Variants in IL1RAPL2 observed in about 807,000 individuals in gnomAD.
IL1RAPL2 encodes the protein X-linked interleukin-1 receptor accessory protein-like 2.
A neutral mutation model predicts 44.1 loss-of-function variants in IL1RAPL2; 3 were observed. That is an observed-to-expected ratio of 0.07 (90% confidence interval 0.03 to 0.18). The LOEUF (loss-of-function observed/expected upper bound fraction) is 0.18. IL1RAPL2 is among the 10% of genes least tolerant of loss of function. IL1RAPL2 has a pLI of 1.00. For missense variants in IL1RAPL2, 391 were observed against 496.4 expected, an observed-to-expected ratio of 0.79 and a Z score of 2.02; for synonymous variants, 181 against 178.8, an observed-to-expected ratio of 1.01 and a Z score of -0.10.
rs28461584 is a variant in IL1RAPL2 at position 105,449,323 on chromosome X, G to A, written c.698-34990G>A. Among the ~76,000 whole-genome samples the A allele has an allele frequency of 7.4e-3, 827 of 111,023 alleles. 7 individuals carry two copies. Among genetic ancestry groups the A allele is most frequent in the African/African-American group, 0.025 (755 of 30,500 alleles). On this transcript the variant is annotated intron_variant, in intron 5 of 10. Transcript: ENST00000372582. ...TGTATGGCTGGGTGCGGTGGCTCAC[G>A]CCTGTAATCTCAGCCCTTTGGGAGG...
At chrX:105,328,650 A>G (rs1394113874) in intron 5 of IL1RAPL2, among the ~76,000 whole-genome samples, 1 of 111,846 alleles carries the variant, frequency 8.9e-6, no homozygotes, top group Admixed American at 9.6e-5. Context: ...GACACTAATT[A>G]TGATAGATTT....
intron 2 of IL1RAPL2, among the ~76,000 whole-genome samples, chrX:104,875,505 ATGT>A (rs1390494859): frequency 8.9e-6 from 1 of 111,813 alleles, no homozygotes; most frequent in Non-Finnish European, 1.9e-5. Context: ...TCAGTTGTGT[ATGT>A]TGTTGTTCTA....
At chrX:104,796,051 G>A (rs1196484999) in intron 2 of IL1RAPL2, among the ~76,000 whole-genome samples, 1 of 112,265 alleles carries the variant, frequency 8.9e-6, no homozygotes, top group Non-Finnish European at 1.9e-5. Context: ...GCTAGTCCTT[G>A]TGGCATTTGC....
chrX:105,149,189 CTT>C (rs1439959925), intron 2 of IL1RAPL2, among the ~76,000 whole-genome samples: 1 of 111,821 alleles, frequency 8.9e-6, no homozygotes. Context: ...TCTATGGAAT[CTT>C]TTTAAATGCC....
At chrX:104,756,429 T>C (rs1346448535) in intron 2 of IL1RAPL2, among the ~76,000 whole-genome samples, 1 of 111,393 alleles carries the variant, frequency 9.0e-6, no homozygotes, top group African/African-American at 3.3e-5. Context: ...TCTTGAAGTG[T>C]ATGGAGTCAT....
chrX:105,602,790 T>C (rs1178173452), intron 6 of IL1RAPL2, among the ~76,000 whole-genome samples: 1 of 99,934 alleles, frequency 1.0e-5, no homozygotes, highest in African/African-American at 3.7e-5. Flanking sequence ...ATATTTAAAG[T>C]ACCAAAAGAA....
chrX:105,665,795 C>T (rs1343008838), intron 6 of IL1RAPL2, among the ~76,000 whole-genome samples: 1 of 99,961 alleles, frequency 1.0e-5, no homozygotes, highest in Non-Finnish European at 2.0e-5. Flanking sequence ...TGGAGTCTCG[C>T]TCTGTCGCCC....
chrX:105,233,892 G>A lies in IL1RAPL2; in HGVS notation c.431G>A (p.Ser144Asn). Reference protein sequence around the residue: ...AENESGLCYNSRIRYLEKSEV... With the variant: ...AENESGLCYNNRIRYLEKSEV... ...AATGAATCAGGCCTGTGCTACAACA[G>A]CAGGATCCGCTATTTAGAAAAATCT... Residue 144 changes from serine to asparagine, a missense_variant, in exon 4 of 11, where the codon AGC (serine) becomes AAC (asparagine). Around this residue, in one of 2 missense-constraint regions of IL1RAPL2, gnomAD observed 159 missense variants for 251.7 expected, o/e 0.63. Transcript: ENST00000372582. 8.3e-7 allele frequency: 1 copy of A among 1,209,144 alleles called. No homozygotes were observed. The highest frequency in any genetic ancestry group is 1.1e-6 in the Non-Finnish European group (1 of 893,087).
intron 5 of IL1RAPL2, among the ~76,000 whole-genome samples, chrX:105,341,328 ATTTTC>A (rs900859437): frequency 6.8e-5 from 7 of 102,705 alleles, no homozygotes; most frequent in Non-Finnish European, 9.5e-5. Context: ...TATTGTTTGT[ATTTTC>A]TTTTCTTTTC....
chrX:105,074,429 G>C (rs1485439167), intron 2 of IL1RAPL2, among the ~76,000 whole-genome samples: 3 of 111,701 alleles, frequency 2.7e-5, no homozygotes, highest in Non-Finnish European at 3.8e-5. Context: ...GTACCATGCT[G>C]TTTTGGTTAG....
chrX:104,721,442 C>A (rs1259635323), intron 2 of IL1RAPL2, among the ~76,000 whole-genome samples: 1 of 110,591 alleles, frequency 9.0e-6, no homozygotes, highest in Non-Finnish European at 1.9e-5. Flanking sequence ...GAAAACCAGA[C>A]ACCACATGTT....
intron 6 of IL1RAPL2, among the ~76,000 whole-genome samples, chrX:105,596,085 G>A (rs1327106918): frequency 1.8e-5 from 2 of 110,183 alleles, no homozygotes; most frequent in East Asian, 2.9e-4. Flanking sequence ...TAAAAAACTC[G>A]GTTTTCTTGA....
intron 2 of IL1RAPL2, among the ~76,000 whole-genome samples, chrX:105,026,302 T>C (rs1403451681): frequency 9.0e-6 from 1 of 111,011 alleles, no homozygotes; most frequent in Non-Finnish European, 1.9e-5. Context: ...TTATATTTAC[T>C]GGTTGAATCC....
rs143143055 is a variant in IL1RAPL2, at chrX:104,844,791, A to T, written c.82+185796A>T. Among the ~76,000 whole-genome samples the T allele has an allele frequency of 1.6e-3, 184 of 111,953 alleles. 1 individual carries two copies. The East Asian group carries it at 0.04, about 24-fold the overall frequency. On this transcript the variant is annotated intron_variant, in intron 2 of 10. Coordinates refer to ENST00000372582, the MANE Select transcript of IL1RAPL2 (RefSeq NM_017416.2). ...ATGTCTCAGAGAGCTAGTGACAAGT[A>T]TTCCACATAGCATATTTTGTGAAAT...
chrX:105,571,192 G>T (rs2147810558), intron 6 of IL1RAPL2, among the ~76,000 whole-genome samples: 1 of 111,101 alleles, frequency 9.0e-6, no homozygotes, highest in South Asian at 3.8e-4. Context: ...AAGAAGAAGA[G>T]AACTGGCTCA....
At chrX:105,039,090 G>T (rs192890359) in intron 2 of IL1RAPL2, among the ~76,000 whole-genome samples, 10 of 111,713 alleles carry the variant, frequency 9.0e-5, no homozygotes, top group East Asian at 8.5e-4. Flanking sequence ...TATAAGGGAA[G>T]ATTAAAAGAA....
intron 6 of IL1RAPL2, among the ~76,000 whole-genome samples, chrX:105,645,834 C>G (rs758016803): frequency 1.8e-5 from 2 of 111,802 alleles, no homozygotes; most frequent in Non-Finnish European, 3.8e-5. Context: ...TGTCTGCGGT[C>G]GCTGGCATGG....
intron 5 of IL1RAPL2, among the ~76,000 whole-genome samples, chrX:105,317,965 CT>C (rs2034858574): frequency 9.4e-6 from 1 of 106,841 alleles, no homozygotes; most frequent in Admixed American, 1.0e-4. Context: ...TATTTTCTTT[CT>C]TTCTTCTTCT....
chrX:105,659,253 T>TA (rs1391139258), intron 6 of IL1RAPL2, among the ~76,000 whole-genome samples: 10 of 111,316 alleles, frequency 9.0e-5, no homozygotes, highest in African/African-American at 2.9e-4. Flanking sequence ...GAGACATAGA[T>TA]AGAGACCTTT....
Sources: gnomAD v4.1 joint callset for allele counts (sites outside exome capture counted in the v4.1 genomes callset) on GRCh38, gnomAD v4.1.1 for gene constraint, gnomAD v4.1.1 regional missense constraint, MANE v1.5 for transcripts, NCBI Gene and HGNC (gene_info 2026-07-23, HGNC 2026-07-21) for gene names.